Variants in DDX52 observed in about 807,000 individuals in gnomAD.
The protein encoded by DDX52 is DExD-box helicase 52, also known as probable ATP-dependent RNA helicase DDX52.
In DDX52, 59 loss-of-function variants were observed where a neutral mutation model predicts 76.1. That is an observed-to-expected ratio of 0.78 (90% CI 0.63 to 0.96). DDX52 has a LOEUF of 0.96. Ranked by LOEUF, DDX52 falls within the 40% of genes least tolerant of loss-of-function variation. The probability of loss-of-function intolerance (pLI) is 0.00; values close to 1 mark genes in which losing one functional copy is unlikely to be tolerated. For missense variants in DDX52, 707 were observed against 703.9 expected, an observed-to-expected ratio of 1.00 and a Z score of -0.05; for synonymous variants, 231 against 244.1, an observed-to-expected ratio of 0.95 and a Z score of 0.50.
chr17:37,626,969 T>C (rs1167891432), intron 6 of DDX52, 109 bp from the exon 7 acceptor site: 2 of 807,700 alleles, frequency 2.5e-6, no homozygotes, highest in Non-Finnish European at 4.1e-6. Context: ...GAAGTAGTCA[T>C]AGCCAACAAC....
chr17:37,636,743 G>A (rs1300237232), intron 2 of DDX52, among the ~76,000 whole-genome samples: 2 of 152,138 alleles, frequency 1.3e-5, no homozygotes, highest in African/African-American at 4.8e-5. Context: ...TGGATAACTT[G>A]TTTTAAGAAG....
intron 13 of DDX52, among the ~76,000 whole-genome samples, chr17:37,619,270 T>C (rs2029952865): frequency 6.6e-6 from 1 of 152,004 alleles, no homozygotes; most frequent in Non-Finnish European, 1.5e-5. Context: ...TTCCAGCCAC[T>C]TGAGAGGCTG....
intron 9 of DDX52, 191 bp downstream of exon 9, chr17:37,624,153 T>A: frequency 2.6e-6 from 1 of 391,740 alleles, no homozygotes. Flanking sequence ...AACCATTTAC[T>A]CCTAGATTAC....
At chr17:37,630,646 T>G (rs1024959313) in intron 4 of DDX52, among the ~76,000 whole-genome samples, 12 of 151,096 alleles carry the variant, frequency 7.9e-5, no homozygotes, top group Non-Finnish European at 8.9e-5. Context: ...TGTGTTTTTT[T>G]TTTTTTTTTT....
At chr17:37,615,917 G>A (rs1211095743) in intron 14 of DDX52, among the ~76,000 whole-genome samples, 1 of 151,986 alleles carries the variant, frequency 6.6e-6, no homozygotes, top group Non-Finnish European at 1.5e-5. Context: ...AAGAGGCTGA[G>A]GCAGGAGAAT....
chr17:37,627,683 A>G (rs567275010), intron 6 of DDX52, among the ~76,000 whole-genome samples: 2 of 151,538 alleles, frequency 1.3e-5, no homozygotes, highest in Admixed American at 1.3e-4. Flanking sequence ...GCTTATCTCC[A>G]AGTGGACAAT....
intron 9 of DDX52, among the ~76,000 whole-genome samples, chr17:37,621,782 G>GT (rs1302079201): frequency 6.6e-6 from 1 of 152,048 alleles, no homozygotes; most frequent in Non-Finnish European, 1.5e-5. Flanking sequence ...CCCCACTATG[G>GT]TAACAGATGC....
Position 37,621,165 on chromosome 17 carries a change from T to C in DDX52, c.1463A>G (p.Asp488Gly). Residue 488 changes from aspartate (D) to glycine (G), a missense_variant, in exon 11 of 15, where the codon GAC (aspartate) becomes GGC (glycine). Transcript: ENST00000617633. ...ATATTCCACTGAGCTAGTTGGAAAGTCATAGTTGATCACCAAGTTCACACC... is the reference window on the plus strand; with the variant it reads ...ATATTCCACTGAGCTAGTTGGAAAGCCATAGTTGATCACCAAGTTCACACC... ...FKGVNLVINY[D>G]FPTSSVEYIH... 1.2e-6 allele frequency: 2 copies of C among 1,613,452 alleles called. No homozygotes were observed. Among genetic ancestry groups the C allele is most frequent in the South Asian group, 1.1e-5 (1 of 91,022 alleles).
At chr17:37,642,018 C>T (rs2031223137) in intron 2 of DDX52, 92 bp downstream of exon 2, 3 of 1,504,914 alleles carry the variant, frequency 2.0e-6, no homozygotes, top group Non-Finnish European at 9.1e-7. Flanking sequence ...TGACAAATGA[C>T]CTTATTGTCT....
intron 2 of DDX52, among the ~76,000 whole-genome samples, chr17:37,637,736 G>A (rs1488656621): frequency 2.0e-5 from 3 of 151,298 alleles, no homozygotes; most frequent in South Asian, 2.1e-4. Flanking sequence ...CACCACGCCC[G>A]GCTAATTTTG....
At chr17:37,620,618 T>C (rs528064752) in intron 12 of DDX52, 63 of 351,540 alleles carry the variant, frequency 1.8e-4, no homozygotes, top group South Asian at 1.3e-3. Flanking sequence ...ACATCAACCA[T>C]TGAAAGAGTC....
At chr17:37,631,096 A>G (rs1328985081) in intron 4 of DDX52, 1 of 152,258 alleles carries the variant, frequency 6.6e-6, no homozygotes, top group African/African-American at 2.4e-5. Context: ...GGACTAGTAT[A>G]GAGATGAAAA....
chr17:37,629,410 T>C (rs78613054), intron 5 of DDX52, among the ~76,000 whole-genome samples: 323 of 151,882 alleles, frequency 2.1e-3, no homozygotes, highest in African/African-American at 7.4e-3. Context: ...TAATGACTCA[T>C]GCCTGTAAGC....
chr17:37,616,000 T>C (rs761287048), intron 14 of DDX52, among the ~76,000 whole-genome samples: 1 of 152,100 alleles, frequency 6.6e-6, no homozygotes, highest in Non-Finnish European at 1.5e-5. Context: ...GCAACAGAGA[T>C]TCCATCTCAA....
intron 7 of DDX52, among the ~76,000 whole-genome samples, chr17:37,626,360 A>ACT (rs149074036): frequency 2.0e-5 from 3 of 150,414 alleles, no homozygotes; most frequent in Admixed American, 6.6e-5. Flanking sequence ...TCATGGGGGC[A>ACT]CTCTCTCTCT....
chr17:37,640,839 T>A (rs1456367027), intron 2 of DDX52, among the ~76,000 whole-genome samples: 2 of 151,200 alleles, frequency 1.3e-5, no homozygotes, highest in Non-Finnish European at 2.9e-5. Flanking sequence ...ATACAAAAAT[T>A]AGCCAGGCGT....
In DDX52 at chr17:37,610,482, G is replaced by A. The variant is rs1241505455; in HGVS notation, c.*3814C>T. ...TGTCTGGAAGTAAAACATGAAAGTTGAGTAATTTTCTCAAGCACGTAGTTT... is the reference window on the plus strand; with the variant it reads ...TGTCTGGAAGTAAAACATGAAAGTTAAGTAATTTTCTCAAGCACGTAGTTT... On this transcript the variant is annotated 3_prime_UTR_variant, in exon 15 of 15. Transcript: ENST00000617633. The A allele has an allele frequency of 6.6e-6, 1 of 151,684 alleles. No individual in the cohort carries two copies. The highest frequency in any genetic ancestry group is 1.9e-4 in the East Asian group (1 of 5,182). 9.4% of individuals were successfully genotyped at this position (151,684 alleles called of 1,614,324 possible).
At chr17:37,616,563 G>A (rs1007563947) in intron 14 of DDX52, among the ~76,000 whole-genome samples, 7 of 151,802 alleles carry the variant, frequency 4.6e-5, no homozygotes, top group Non-Finnish European at 1.5e-5. Flanking sequence ...GCTGAGGCAC[G>A]AGAATCACTT....
At chr17:37,628,436 C>A in intron 6 of DDX52, 125 bp downstream of exon 6, 1 of 747,182 alleles carries the variant, frequency 1.3e-6, no homozygotes, top group South Asian at 1.7e-5. Context: ...CGCTTTAGTT[C>A]TTCTAAAATT....
Sources: gnomAD v4.1 joint callset for allele counts (sites outside exome capture counted in the v4.1 genomes callset) on GRCh38, gnomAD v4.1.1 for gene constraint, MANE v1.5 for transcripts, NCBI Gene and HGNC (gene_info 2026-07-23, HGNC 2026-07-21) for gene names.